Variants in UPB1 observed in about 807,000 individuals in gnomAD.
The protein encoded by UPB1 is beta-ureidopropionase 1, also known as beta-ureidopropionase.
A neutral mutation model predicts 49.1 loss-of-function variants in UPB1; 40 were observed. The ratio of observed to expected loss-of-function variants is 0.81; its 90% confidence interval spans 0.63 to 1.06. UPB1 has a LOEUF of 1.06. Ranked by LOEUF, UPB1 falls within the 50% of genes least tolerant of loss-of-function variation. The probability of loss-of-function intolerance (pLI) is 0.00; values close to 1 mark genes in which losing one functional copy is unlikely to be tolerated. For missense variants in UPB1, 499 were observed against 505.9 expected (o/e 0.99, Z 0.13); for synonymous variants, 207 against 198.2 (o/e 1.04, Z -0.38).
Position 24,515,238 on chromosome 22 carries a change from T to G in UPB1, c.659T>G (p.Val220Gly). ...YYMEGNLGHP[V>G]FQTQFGRIAV... ...ATGGAGGGAAACCTGGGCCACCCCGTGTTCCAGACGCAGTTCGGAAGGATC... is the reference window on the plus strand; with the variant it reads ...ATGGAGGGAAACCTGGGCCACCCCGGGTTCCAGACGCAGTTCGGAAGGATC... The change falls in exon 6 of 10, where the codon GTG becomes GGG. Residue 220 changes from valine to glycine, a missense_variant. Coordinates refer to ENST00000326010, the MANE Select transcript of UPB1 (RefSeq NM_016327.3). The G allele has an allele frequency of 6.2e-7, 1 of 1,614,214 alleles. No individual in the cohort carries two copies. Among genetic ancestry groups the G allele is most frequent in the Non-Finnish European group, 8.5e-7 (1 of 1,180,038 alleles).
intron 3 of UPB1, among the ~76,000 whole-genome samples, chr22:24,509,700 CT>C (rs2044161824): frequency 6.6e-6 from 1 of 151,902 alleles, no homozygotes; most frequent in Non-Finnish European, 1.5e-5. Flanking sequence ...TGGTTGGGAA[CT>C]TTGGCAATTT....
chr22:24,506,745 C>T (rs1891846317), intron 3 of UPB1, among the ~76,000 whole-genome samples: 1 of 152,196 alleles, frequency 6.6e-6, no homozygotes, highest in Non-Finnish European at 1.5e-5. Context: ...ACCCCTGTTT[C>T]ATCTTTAGTG....
intron 3 of UPB1, 34 bp downstream of exon 3, chr22:24,502,247 T>A: frequency 1.3e-6 from 2 of 1,594,640 alleles, no homozygotes; most frequent in Non-Finnish European, 1.7e-6. Context: ...CTCTGCTGCC[T>A]TCAAACAATT....
At chr22:24,522,126 C>A in intron 8 of UPB1, 98 bp downstream of exon 8, 1 of 1,392,456 alleles carries the variant, frequency 7.2e-7, no homozygotes, top group Non-Finnish European at 1.0e-6. Context: ...ACACAGATCA[C>A]ATCTGCATGC....
At chr22:24,513,588 A>G in intron 5 of UPB1, 103 bp downstream of exon 5, 1 of 1,472,072 alleles carries the variant, frequency 6.8e-7, no homozygotes, top group Non-Finnish European at 9.3e-7. Flanking sequence ...GCAGGATCAT[A>G]CTCCATGTCA....
At chr22:24,496,366 G>GTC (rs2043877004) in intron 1 of UPB1, among the ~76,000 whole-genome samples, 1 of 135,618 alleles carries the variant, frequency 7.4e-6, no homozygotes, top group African/African-American at 3.2e-5. Flanking sequence ...GTGAGGCCCT[G>GTC]TCTCAAACAC....
intron 1 of UPB1, among the ~76,000 whole-genome samples, chr22:24,499,162 G>GGGC (rs2043943720): frequency 6.6e-6 from 1 of 152,244 alleles, no homozygotes; most frequent in Non-Finnish European, 1.5e-5. Context: ...GCCTGGCAGG[G>GGGC]GGCGGCGACA....
chr22:24,512,773 T>G (rs895043443), intron 4 of UPB1, among the ~76,000 whole-genome samples: 1 of 152,184 alleles, frequency 6.6e-6, no homozygotes, highest in Non-Finnish European at 1.5e-5. Context: ...CTTACACAAG[T>G]GGAATCATAC....
chr22:24,515,302 C>T lies in UPB1; in HGVS notation c.723C>T (p.Asn241=), dbSNP rs770091431. ...GCTACGGGCGGCACCACCCCCTCAA[C>T]TGGCTTATGTACAGCATCAACGGGG... ...NICYGRHHPL[N]WLMYSINGAE... Residue 241 remains asparagine, a synonymous_variant, in exon 6 of 10, where the codon AAC becomes AAT. Transcript: ENST00000326010. The T allele has an allele frequency of 2.5e-6, 4 of 1,614,206 alleles. No homozygotes were observed. The highest frequency in any genetic ancestry group is 2.2e-5 in the East Asian group (1 of 44,866).
chr22:24,520,260 GC>G, intron 6 of UPB1, 126 bp from the exon 7 acceptor site: 1 of 1,089,250 alleles, frequency 9.2e-7, no homozygotes, highest in Non-Finnish European at 1.4e-6. Flanking sequence ...AAAGCCTGCA[GC>G]CAGGCCAGGC....
chr22:24,516,360 AG>A (rs1568992038), intron 6 of UPB1: 1 of 152,158 alleles, frequency 6.6e-6, no homozygotes, highest in Non-Finnish European at 1.5e-5. Context: ...CTCATTTAGG[AG>A]GGGCATCCAG....
Position 24,500,088 on chromosome 22 carries a change from T to C in UPB1, c.105-19T>C. ...GACTGCATCAAAATCCCCTTCCCTCTTTTTTCCTGCCCATCTAGGAAGCTT... is the reference window on the plus strand; with the variant it reads ...GACTGCATCAAAATCCCCTTCCCTCCTTTTTCCTGCCCATCTAGGAAGCTT... On this transcript the variant is annotated intron_variant, in intron 1 of 9. Transcript: ENST00000326010. The C allele has an allele frequency of 1.2e-6, 2 of 1,613,722 alleles. No individual in the cohort carries two copies. The highest frequency in any genetic ancestry group is 1.7e-6 in the Non-Finnish European group (2 of 1,179,858).
At chr22:24,502,253 C>T (rs773263627) in intron 3 of UPB1, 40 bp downstream of exon 3, 15 of 1,581,900 alleles carry the variant, frequency 9.5e-6, no homozygotes, top group Middle Eastern at 1.7e-4. Flanking sequence ...TGCCTTCAAA[C>T]AATTGTGTAT....
intron 4 of UPB1, among the ~76,000 whole-genome samples, chr22:24,512,441 G>GT (rs1310326949): frequency 7.2e-5 from 11 of 152,090 alleles, no homozygotes; most frequent in Non-Finnish European, 1.6e-4. Flanking sequence ...TGGTCACCAG[G>GT]GACTGATGTT....
At chr22:24,495,529 C>T in intron 1 of UPB1, 22 bp downstream of exon 1, 1 of 1,612,084 alleles carries the variant, frequency 6.2e-7, no homozygotes. Flanking sequence ...AGAGGCTAAG[C>T]TAATGGGGTC....
chr22:24,507,392 A>AT (rs2044109264), intron 3 of UPB1, among the ~76,000 whole-genome samples: 1 of 151,932 alleles, frequency 6.6e-6, no homozygotes, highest in Non-Finnish European at 1.5e-5. Flanking sequence ...CATTGGCGGG[A>AT]TATTTACTGT....
chr22:24,522,209 G>C (rs376805563), intron 8 of UPB1, among the ~76,000 whole-genome samples, 181 bp downstream of exon 8: 151 of 152,210 alleles, frequency 9.9e-4, no homozygotes, highest in African/African-American at 3.5e-3. Context: ...CTGTGGCTGG[G>C]GTGTGGATAG....
intron 2 of UPB1, among the ~76,000 whole-genome samples, chr22:24,500,988 C>T (rs2043985492): frequency 6.6e-6 from 1 of 152,202 alleles, no homozygotes; most frequent in African/African-American, 2.4e-5. Flanking sequence ...GGTTCTGCAT[C>T]ATCATTCACA....
At chr22:24,520,849 T>C (rs1372061439) in intron 7 of UPB1, among the ~76,000 whole-genome samples, 1 of 152,148 alleles carries the variant, frequency 6.6e-6, no homozygotes, top group African/African-American at 2.4e-5. Context: ...TAACCAAGGT[T>C]TCTACACTAA....
Sources: gnomAD v4.1 joint callset for allele counts (sites outside exome capture counted in the v4.1 genomes callset) on GRCh38, gnomAD v4.1.1 for gene constraint, MANE v1.5 for transcripts, NCBI Gene and HGNC (gene_info 2026-07-23, HGNC 2026-07-21) for gene names.